TMEM260: variants seen among roughly 807,000 people sequenced by gnomAD.
The protein encoded by TMEM260 is protein O-mannosyl-transferase TMEM260.
TMEM260 carries 82 observed loss-of-function variants against 88.9 expected under a neutral mutation model. The observed-to-expected ratio is 0.92, with a 90% CI of 0.77 to 1.11. The LOEUF is 1.11. TMEM260 is among the 50% of genes least tolerant of loss of function. The probability of loss-of-function intolerance (pLI) is 0.00; values close to 1 mark genes in which losing one functional copy is unlikely to be tolerated. For missense variants in TMEM260, 902 were observed against 853.4 expected (o/e 1.06, Z -0.71); for synonymous variants, 314 against 309.3 (o/e 1.02, Z -0.16).
At chr14:56,612,516 T>C in intron 7 of TMEM260, 1 of 531,498 alleles carries the variant, frequency 1.9e-6, no homozygotes, top group South Asian at 2.5e-5. Flanking sequence ...AGTCCTGATA[T>C]AAAATGGCAT....
intron 5 of TMEM260, among the ~76,000 whole-genome samples, chr14:56,606,629 C>T (rs566145003): frequency 2.2e-4 from 34 of 152,262 alleles, no homozygotes; most frequent in Admixed American, 4.6e-4. Context: ...TAGTGGTTCA[C>T]GCCTGTAATC....
At chr14:56,611,739 G>A (rs1473742361) in intron 6 of TMEM260, among the ~76,000 whole-genome samples, 4 of 152,012 alleles carry the variant, frequency 2.6e-5, no homozygotes, top group South Asian at 4.1e-4. Flanking sequence ...ACATACACAC[G>A]TATGTTCATC....
chr14:56,645,209 G>T (rs917070493), intron 15 of TMEM260, among the ~76,000 whole-genome samples: 17 of 146,486 alleles, frequency 1.2e-4, no homozygotes, highest in African/African-American at 4.2e-4. Context: ...GTTTATTGCG[G>T]CACTATTCAC....
downstream of TMEM260, among the ~76,000 whole-genome samples, chr14:56,653,736 C>CAAAAAAAAACAAAA (rs10522889): frequency 1.2e-4 from 8 of 66,564 alleles, 1 homozygote; most frequent in South Asian, 1.1e-3. Context: ...CTCTTGTCTC[C>CAAAAAAAAACAAAA]AAAACAAAAA....
At chr14:56,635,276 A>C (rs1594884438) in intron 14 of TMEM260, among the ~76,000 whole-genome samples, 1 of 152,210 alleles carries the variant, frequency 6.6e-6, no homozygotes, top group South Asian at 2.1e-4. Context: ...ATCTAACTAA[A>C]GTGAGTGTAA....
At chr14:56,637,931 G>A (rs1180299632) in intron 15 of TMEM260, among the ~76,000 whole-genome samples, 1 of 152,044 alleles carries the variant, frequency 6.6e-6, no homozygotes, top group Non-Finnish European at 1.5e-5. Flanking sequence ...TCTTGTGAGT[G>A]CTGTGAGAGG....
intron 15 of TMEM260, 100 bp from the exon 16 acceptor site, chr14:56,647,143 T>G (rs1890015026): frequency 7.6e-7 from 1 of 1,309,036 alleles, no homozygotes; most frequent in Non-Finnish European, 1.0e-6. Flanking sequence ...GCTGCTTGAA[T>G]TTTTTTTTCT....
intron 3 of TMEM260, among the ~76,000 whole-genome samples, chr14:56,593,997 T>G (rs1326523008): frequency 6.6e-6 from 1 of 152,174 alleles, no homozygotes; most frequent in Non-Finnish European, 1.5e-5. Flanking sequence ...GTGAGTGTCT[T>G]TTATAATACA....
In TMEM260 at chr14:56,605,688, G is replaced by A. The variant is rs977531529; in HGVS notation, c.636+5G>A. ...TTTCAACTTTTAAAAAAGAAGGTACGTTTTTGAATTTTGTAAAAAAAAGTA... is the reference window on the plus strand; with the variant it reads ...TTTCAACTTTTAAAAAAGAAGGTACATTTTTGAATTTTGTAAAAAAAAGTA... On this transcript the variant is annotated splice_donor_5th_base_variant and intron_variant, in intron 5 of 15. Coordinates refer to ENST00000261556, the MANE Select transcript of TMEM260 (RefSeq NM_017799.4). 16 of 1,497,864 alleles carry A rather than the reference G, an allele frequency of 1.1e-5. No individual in the cohort carries two copies. The highest frequency in any genetic ancestry group is 4.6e-5 in the East Asian group (2 of 43,192). 92.8% of individuals were successfully genotyped at this position (1,497,864 alleles called of 1,614,324 possible).
chr14:56,617,401 T>A, intron 9 of TMEM260, 104 bp downstream of exon 9: 1 of 642,152 alleles, frequency 1.6e-6, no homozygotes, highest in Non-Finnish European at 2.7e-6. Context: ...GAGGAATAGT[T>A]AAAATTTTAT....
chr14:56,636,663 A>C, intron 15 of TMEM260, 65 bp downstream of exon 15: 1 of 1,379,330 alleles, frequency 7.2e-7, no homozygotes, highest in South Asian at 1.2e-5. Context: ...GATTGTTCAG[A>C]ATGGATAGAG....
Position 56,644,366 on chromosome 14 carries a change from T to G in TMEM260, c.1870-2877T>G, listed in dbSNP as rs542369013. On this transcript the variant is annotated intron_variant, in intron 15 of 15. Transcript: ENST00000261556. ...ATAATGCCACATATCTACAAATATCTGATCTTTGACAAACCTGACAAAAAC... is the reference window on the plus strand; with the variant it reads ...ATAATGCCACATATCTACAAATATCGGATCTTTGACAAACCTGACAAAAAC... 4.6e-5 allele frequency among the ~76,000 whole-genome samples: 7 copies of G among 152,334 alleles called. No homozygotes were observed. In the East Asian group the frequency reaches 1.4e-3, roughly 29 times the overall value.
chr14:56,650,235 CAACTTCTGCCTG>C (rs1212607503), downstream of TMEM260: 2 of 350,986 alleles, frequency 5.7e-6, no homozygotes, highest in Non-Finnish European at 1.1e-5. Flanking sequence ...CCCACAAGGC[CAACTTCTGCCTG>C]GACTTCGGCC....
At chr14:56,587,203 T>G (rs1336075278) in intron 3 of TMEM260, among the ~76,000 whole-genome samples, 1 of 151,878 alleles carries the variant, frequency 6.6e-6, no homozygotes, top group African/African-American at 2.4e-5. Flanking sequence ...ACAAGATACT[T>G]TAGAACAAAA....
intron 5 of TMEM260, among the ~76,000 whole-genome samples, chr14:56,606,809 C>A (rs1234732745): frequency 1.3e-5 from 2 of 152,140 alleles, no homozygotes; most frequent in Admixed American, 1.3e-4. Context: ...GCAGGAGAAT[C>A]GCTTGAACCC....
rs530681134 is a variant in TMEM260 at position 56,580,161 on chromosome 14, T to A, written c.160+87T>A. The A allele has an allele frequency of 3.8e-4, 432 of 1,151,802 alleles. 1 individual carries two copies. In the South Asian group the frequency reaches 6.2e-3, roughly 17 times the overall value. 71.3% of individuals were successfully genotyped at this position (1,151,802 alleles called of 1,614,324 possible). A position where few individuals can be genotyped will look rare whatever the true frequency, so the allele number is the denominator to read the frequency against. ...CTGCGTCTGGCCCCTGCTCTTGGCA[T>A]TCGGTCTGGTCAGCTCTGGGCCTCC... On this transcript the variant is annotated intron_variant, in intron 1 of 15. Transcript: ENST00000261556.
At chr14:56,653,741 C>CAAAAAAACA (rs1555343554), downstream of TMEM260, among the ~76,000 whole-genome samples, 21 of 97,876 alleles carry the variant, frequency 2.1e-4, no homozygotes, top group South Asian at 3.3e-4. Context: ...GTCTCCAAAA[C>CAAAAAAACA]AAAAAAAAAA....
At chr14:56,634,623 C>T (rs1258044008) in intron 13 of TMEM260, among the ~76,000 whole-genome samples, 1 of 152,092 alleles carries the variant, frequency 6.6e-6, no homozygotes, top group Non-Finnish European at 1.5e-5. Context: ...CAGGTGATCA[C>T]CTGAGGTCAG....
chr14:56,643,929 C>T lies in TMEM260; in HGVS notation c.1870-3314C>T, dbSNP rs571886303. 8.1e-3 allele frequency among the ~76,000 whole-genome samples: 1,226 copies of T among 152,106 alleles called. 15 individuals carry two copies. The highest frequency in any genetic ancestry group is 0.027 in the African/African-American group (1,121 of 41,482). Reference sequence around the variant, plus strand: ...CAATTGCTTCAAAGAGAATAAAATACCTAGGAATCCAACTTACAAGGGATG... The same window carrying T: ...CAATTGCTTCAAAGAGAATAAAATATCTAGGAATCCAACTTACAAGGGATG... On this transcript the variant is annotated intron_variant, in intron 15 of 15. Coordinates refer to ENST00000261556, the MANE Select transcript of TMEM260 (RefSeq NM_017799.4).
Sources: gnomAD v4.1 joint callset for allele counts (sites outside exome capture counted in the v4.1 genomes callset) on GRCh38, gnomAD v4.1.1 for gene constraint, MANE v1.5 for transcripts, NCBI Gene and HGNC (gene_info 2026-07-23, HGNC 2026-07-21) for gene names.